The following ZNF486 variants were observed in gnomAD, a reference collection of about 807,000 sequenced individuals.
ZNF486 encodes zinc finger protein 486.
In ZNF486, 12 loss-of-function variants were observed where a neutral mutation model predicts 12.8. That is an observed-to-expected ratio of 0.94 (90% CI 0.60 to 1.52). The LOEUF (loss-of-function observed/expected upper bound fraction) is 1.52. Among genes scored for constraint, ZNF486 ranks in the 40% most tolerant of loss-of-function variants. The pLI is 0.00. For missense variants in ZNF486, 738 were observed against 545.0 expected, an observed-to-expected ratio of 1.35 and a Z score of -3.53; for synonymous variants, 231 against 184.9, an observed-to-expected ratio of 1.25 and a Z score of -2.02.
intron 1 of ZNF486, chr19:20,176,488 G>T (rs990526208): frequency 2.3e-5 from 5 of 213,206 alleles, no homozygotes; most frequent in Non-Finnish European, 4.7e-5. Context: ...GGGAGGTGGA[G>T]GTTGTAGCCA....
In ZNF486 at chr19:20,197,780, A is replaced by T. The variant is rs781838259; in HGVS notation, c.1070A>T (p.Lys357Ile). 1.2e-6 allele frequency: 2 copies of T among 1,613,808 alleles called. No homozygotes were observed. Among genetic ancestry groups the T allele is most frequent in the African/African-American group, 1.3e-5 (1 of 74,916 alleles). ...CCCTACAAATGTGAAGAATGTGGCAAAGCCTTCACCCGCTCCTCACACCTT... is the reference window on the plus strand; with the variant it reads ...CCCTACAAATGTGAAGAATGTGGCATAGCCTTCACCCGCTCCTCACACCTT... ...EKPYKCEECG[K>I]AFTRSSHLTM... Residue 357 changes from lysine (K) to isoleucine (I), a missense_variant, in exon 4 of 4, where the codon AAA becomes ATA. Physicochemically the swap from Lys to Ile is moderately radical, Grantham distance 102. Coordinates refer to ENST00000335117, the MANE Select transcript of ZNF486 (RefSeq NM_052852.4).
intron 1 of ZNF486, among the ~76,000 whole-genome samples, chr19:20,182,068 C>T (rs1295906926): frequency 2.0e-5 from 3 of 152,154 alleles, no homozygotes; most frequent in Non-Finnish European, 4.4e-5. Context: ...AAAGAGCCAG[C>T]GAAGCATATA....
rs1555718754 is a variant in ZNF486 at position 20,200,464 on chromosome 19, A to T, written c.*2362A>T. 1 of 152,178 alleles carries T rather than the reference A, an allele frequency of 6.6e-6. No homozygotes were observed. Among genetic ancestry groups the T allele is most frequent in the Non-Finnish European group, 1.5e-5 (1 of 68,032 alleles). 9.4% of individuals were successfully genotyped at this position (152,178 alleles called of 1,614,324 possible). ...ATTTTACTTATTGTACTTTTATGTA[A>T]TAAAATGCAGTGCATTTAAAAATTG... On this transcript the variant is annotated 3_prime_UTR_variant, in exon 4 of 4. Coordinates refer to ENST00000335117, the MANE Select transcript of ZNF486 (RefSeq NM_052852.4).
At chr19:20,177,945 G>A (rs1048224692) in intron 1 of ZNF486, among the ~76,000 whole-genome samples, 4 of 128,682 alleles carry the variant, frequency 3.1e-5, no homozygotes, top group Non-Finnish European at 6.5e-5. Context: ...CTTTTTTTTT[G>A]AGACGAAGTC....
intron 1 of ZNF486, chr19:20,176,859 A>C (rs147611203): frequency 1.3e-5 from 2 of 152,386 alleles, no homozygotes; most frequent in East Asian, 3.9e-4. Flanking sequence ...AAGCCCTATT[A>C]ATTAATCCCA....
intron 1 of ZNF486, among the ~76,000 whole-genome samples, chr19:20,174,229 T>C (rs11881262): frequency 0.079 from 12,078 of 152,192 alleles, 743 homozygotes; most frequent in African/African-American, 0.18. Context: ...GAAGTACTTA[T>C]ACTGCAAAAA....
chr19:20,177,334 C>A (rs1403038977), intron 1 of ZNF486, among the ~76,000 whole-genome samples: 2 of 152,240 alleles, frequency 1.3e-5, no homozygotes, highest in African/African-American at 2.4e-5. Context: ...AGGTACCTGA[C>A]TTCAAGCTGC....
chr19:20,196,114 G>A (rs1555717891), intron 3 of ZNF486, among the ~76,000 whole-genome samples: 2 of 152,172 alleles, frequency 1.3e-5, no homozygotes, highest in South Asian at 2.1e-4. Flanking sequence ...TGCCTCCACA[G>A]TTGAAGCAAT....
Position 20,192,227 on chromosome 19 carries a change from T to C in ZNF486, c.254-4737T>C, listed in dbSNP as rs1248919319. Among the ~76,000 whole-genome samples, 4 of 152,330 alleles carry C rather than the reference T, an allele frequency of 2.6e-5. No homozygotes were observed. In the East Asian group the frequency reaches 7.7e-4, roughly 29 times the overall value. ...CAGCCTATTTGACTCAATGCTACAA[T>C]GAGTCTCTTGTAGGCAGCATACTGT... On this transcript the variant is annotated intron_variant, in intron 3 of 3. Transcript: ENST00000335117.
intron 3 of ZNF486, among the ~76,000 whole-genome samples, chr19:20,186,529 G>A (rs904859061): frequency 2.0e-5 from 3 of 152,002 alleles, no homozygotes; most frequent in Non-Finnish European, 4.4e-5. Flanking sequence ...AGTCCATTCT[G>A]TTTTTATTAC....
chr19:20,192,868 T>C (rs2089915863), intron 3 of ZNF486, among the ~76,000 whole-genome samples: 1 of 152,194 alleles, frequency 6.6e-6, no homozygotes, highest in Non-Finnish European at 1.5e-5. Flanking sequence ...TAAGATTACA[T>C]TTGATTTTAT....
chr19:20,199,169 CAGA>C lies in ZNF486; in HGVS notation c.*1073_*1075del, dbSNP rs797036343. ...TTAATGTCCATCACATCTTACTCAA[CAGA>C]AGAAGGTTCATAAAAGAGCAATTAC... On this transcript the variant is annotated 3_prime_UTR_variant, in exon 4 of 4. Transcript: ENST00000335117. 11 of 152,234 alleles carry C rather than the reference CAGA, an allele frequency of 7.2e-5. No homozygotes were observed. Among genetic ancestry groups the C allele is most frequent in the Admixed American group, 3.3e-4 (5 of 15,266 alleles). 9.4% of individuals were successfully genotyped at this position (152,234 alleles called of 1,614,324 possible).
intron 3 of ZNF486, among the ~76,000 whole-genome samples, chr19:20,195,400 C>T (rs1197334003): frequency 2.6e-5 from 4 of 152,286 alleles, no homozygotes; most frequent in East Asian, 1.9e-4. Flanking sequence ...AACTTCTGAC[C>T]TCATGTATTT....
Position 20,197,334 on chromosome 19 carries a change from A to C in ZNF486, c.624A>C (p.Lys208Asn), listed in dbSNP as rs1306256974. 1.9e-6 allele frequency: 3 copies of C among 1,613,182 alleles called. No homozygotes were observed. Among genetic ancestry groups the C allele is most frequent in the Admixed American group, 1.7e-5 (1 of 59,914 alleles). The change falls in exon 4 of 4, where the codon AAA becomes AAC. Residue 208 changes from lysine to asparagine, a missense_variant. Physicochemically the swap from Lys to Asn is moderately conservative, Grantham distance 94 (BLOSUM62 0). Transcript: ENST00000335117. ...ATAAAAAAATTGATACTGGAGAGAA[A>C]CCATACAAATGTGAAGAATGTGGCA... ...TTHKKIDTGE[K>N]PYKCEECGKA... is the part of the protein sequence containing the mutation.
chr19:20,168,609 G>C (rs1355129743), intron 1 of ZNF486, among the ~76,000 whole-genome samples: 1 of 151,432 alleles, frequency 6.6e-6, no homozygotes, highest in Non-Finnish European at 1.5e-5. Context: ...AGCCGAGATC[G>C]TGCCATTGCA....
intron 1 of ZNF486, among the ~76,000 whole-genome samples, chr19:20,169,786 G>A (rs550761967): frequency 6.6e-6 from 1 of 151,892 alleles, no homozygotes; most frequent in East Asian, 1.9e-4. Context: ...AAAGCGGGGA[G>A]GGGAATGACA....
intron 3 of ZNF486, among the ~76,000 whole-genome samples, chr19:20,186,793 T>TGTTTTTTTTTG (rs2089852371): frequency 6.7e-6 from 1 of 148,452 alleles, no homozygotes; most frequent in African/African-American, 2.5e-5. Flanking sequence ...GGTTTTTTTT[T>TGTTTTTTTTTG]TTTTTTTTGA....
chr19:20,191,056 C>T (rs949048753), intron 3 of ZNF486, among the ~76,000 whole-genome samples: 14 of 152,158 alleles, frequency 9.2e-5, no homozygotes, highest in African/African-American at 3.4e-4. Flanking sequence ...ATAGTATGTC[C>T]AATTACTCTT....
intron 3 of ZNF486, among the ~76,000 whole-genome samples, chr19:20,186,997 C>T (rs2089854869): frequency 6.6e-6 from 1 of 151,792 alleles, no homozygotes; most frequent in Non-Finnish European, 1.5e-5. Context: ...GTTGGCCAGG[C>T]TGGTCTTGAA....
Sources: allele counts gnomAD v4.1 joint callset (sites outside exome capture counted in the v4.1 genomes callset), GRCh38; gene constraint gnomAD v4.1.1; transcripts MANE v1.5; gene names NCBI Gene and HGNC (gene_info 2026-07-23, HGNC 2026-07-21).